GSE1: variants seen among roughly 807,000 people sequenced by gnomAD.
GSE1 encodes the protein Gse1 coiled-coil protein.
GSE1 carries 32 observed loss-of-function variants against 112.6 expected under a neutral mutation model. The observed-to-expected ratio is 0.28, with a 90% CI of 0.21 to 0.38. The LOEUF is 0.38. Among genes scored for constraint, GSE1 ranks in the 10% least tolerant of loss-of-function variants. The pLI is 1.00. For missense variants in GSE1, 2,348 were observed against 1,699.2 expected (o/e 1.38, Z -6.71); for synonymous variants, 1,115 against 735.6 (o/e 1.52, Z -8.35).
chr16:85,280,488 T>C (rs1327695714), intron 1 of GSE1, among the ~76,000 whole-genome samples: 1 of 152,170 alleles, frequency 6.6e-6, no homozygotes, highest in Admixed American at 6.5e-5. Context: ...CTCCACCTCC[T>C]GGGTTTAAGC....
chr16:85,247,298 T>C (rs1239479866), intron 1 of GSE1, among the ~76,000 whole-genome samples: 7 of 152,170 alleles, frequency 4.6e-5, no homozygotes, highest in Non-Finnish European at 1.0e-4. Flanking sequence ...TCCACAATTG[T>C]GTGTTGTTTG....
At chr16:85,563,034 C>G (rs932631424) in intron 1 of GSE1, among the ~76,000 whole-genome samples, 1 of 152,202 alleles carries the variant, frequency 6.6e-6, no homozygotes, top group African/African-American at 2.4e-5. Flanking sequence ...AGATCCTTGT[C>G]CCTGTCTGGG....
intron 2 of GSE1, among the ~76,000 whole-genome samples, chr16:85,389,758 A>G (rs1162270831): frequency 6.6e-6 from 1 of 152,038 alleles, no homozygotes; most frequent in Non-Finnish European, 1.5e-5. Context: ...GGAGCCCTTT[A>G]CCTGAACTAA....
intron 2 of GSE1, among the ~76,000 whole-genome samples, chr16:85,515,232 C>T (rs967893444): frequency 3.3e-5 from 5 of 152,198 alleles, no homozygotes; most frequent in Non-Finnish European, 7.3e-5. Context: ...GCACCCGCCT[C>T]ACCTCTGCCC....
chr16:85,663,103 TCTC>T lies in GSE1; in HGVS notation c.2373+15_2373+17del. 1 of 1,564,774 alleles carries T rather than the reference TCTC, an allele frequency of 6.4e-7. No individual in the cohort carries two copies. The highest frequency in any genetic ancestry group is 1.7e-4 in the Middle Eastern group (1 of 5,982). ...GGACACGTCCTCTGAGGTACTGGGC[TCTC>T]CTCCCCACGGACATGCTCTGGGCTG... On this transcript the variant is annotated intron_variant, in intron 10 of 15. Transcript: ENST00000253458.
chr16:85,267,522 C>T (rs909015661), intron 1 of GSE1, among the ~76,000 whole-genome samples: 5 of 152,126 alleles, frequency 3.3e-5, no homozygotes, highest in African/African-American at 1.2e-4. Flanking sequence ...GGTTAAAGGA[C>T]AGTCACGTCA....
chr16:85,230,978 CGG>C (rs1904278831), intron 1 of GSE1, among the ~76,000 whole-genome samples: 1 of 145,592 alleles, frequency 6.9e-6, no homozygotes. Context: ...GACGGACGGA[CGG>C]ATGGATAGAA....
chr16:85,298,444 T>C (rs1156328164), intron 1 of GSE1, among the ~76,000 whole-genome samples: 1 of 152,186 alleles, frequency 6.6e-6, no homozygotes, highest in African/African-American at 2.4e-5. Flanking sequence ...ATTATTGTTA[T>C]TTTGAGATGG....
chr16:85,281,007 C>T (rs570194337), intron 1 of GSE1, among the ~76,000 whole-genome samples: 22 of 152,176 alleles, frequency 1.4e-4, no homozygotes, highest in Non-Finnish European at 2.2e-4. Context: ...CTGCCTCTGC[C>T]GCCCCATGTC....
intron 2 of GSE1, among the ~76,000 whole-genome samples, chr16:85,420,957 G>C (rs11642660): frequency 0.78 from 118,008 of 152,138 alleles, 46,894 homozygotes; most frequent in Middle Eastern, 0.94. Context: ...CTGCAGTCGG[G>C]CTGCAGCGTC....
At chr16:85,178,873 G>T (rs1470461345) in intron 1 of GSE1, among the ~76,000 whole-genome samples, 1 of 150,802 alleles carries the variant, frequency 6.6e-6, no homozygotes, top group African/African-American at 2.4e-5. Context: ...AGGGAGGTGC[G>T]GGGGGTGGGC....
chr16:85,589,265 G>C (rs566140938), intron 1 of GSE1, among the ~76,000 whole-genome samples: 10 of 152,334 alleles, frequency 6.6e-5, no homozygotes, highest in Admixed American at 6.5e-5. Flanking sequence ...CTGCTGGGGT[G>C]GGGAGGGTTT....
rs2047357968 is a variant in GSE1, at chr16:85,373,983, G to A, written c.2464+16340G>A. ...CCATCGCCCCACGGTGGCTGCATGTGCGTATGTGTGTGGGTGTCCACATGT... is the reference window on the plus strand; with the variant it reads ...CCATCGCCCCACGGTGGCTGCATGTACGTATGTGTGTGGGTGTCCACATGT... On this transcript the variant is annotated intron_variant, in intron 2 of 2. Coordinates refer to the GSE1 transcript ENST00000637419. The surrounding 1 kb of genome is among the most constrained non-coding windows in gnomAD (Gnocchi z 5.1). Among the ~76,000 whole-genome samples, 1 of 152,216 alleles carries A rather than the reference G, an allele frequency of 6.6e-6. No homozygotes were observed. Among genetic ancestry groups the A allele is most frequent in the African/African-American group, 2.4e-5 (1 of 41,462 alleles).
At chr16:85,553,293 GGCCGCCGCC>G (rs532488359), upstream of GSE1, among the ~76,000 whole-genome samples, 1 of 149,706 alleles carries the variant, frequency 6.7e-6, no homozygotes, top group Non-Finnish European at 1.5e-5. Flanking sequence ...CCGCTTGCCA[GGCCGCCGCC>G]GCCGCCGCTG....
chr16:85,328,701 G>C (rs2046276091), intron 1 of GSE1, among the ~76,000 whole-genome samples: 2 of 152,206 alleles, frequency 1.3e-5, no homozygotes, highest in African/African-American at 4.8e-5. Flanking sequence ...GAGAGACAAC[G>C]GGGCTGGGTC....
chr16:85,475,895 A>T (rs1030598340), intron 2 of GSE1, among the ~76,000 whole-genome samples: 1 of 150,742 alleles, frequency 6.6e-6, no homozygotes, highest in East Asian at 2.0e-4. Context: ...AAGCGCTAGC[A>T]TTACAGGTGT....
At chr16:85,500,434 G>A (rs1026285878) in intron 2 of GSE1, among the ~76,000 whole-genome samples, 1 of 152,246 alleles carries the variant, frequency 6.6e-6, no homozygotes, top group East Asian at 1.9e-4. Flanking sequence ...TTCAAAAGCA[G>A]CTCCCCACTG....
intron 2 of GSE1, among the ~76,000 whole-genome samples, chr16:85,438,739 G>A (rs2049308935): frequency 6.6e-6 from 1 of 152,198 alleles, no homozygotes; most frequent in South Asian, 2.1e-4. Context: ...GGGGAACTTT[G>A]TATAAAGTAG....
chr16:85,380,040 A>G (rs1818785308), intron 2 of GSE1, among the ~76,000 whole-genome samples: 2 of 152,234 alleles, frequency 1.3e-5, no homozygotes, highest in South Asian at 2.1e-4. Context: ...TGGCCTTGGG[A>G]AGCCCAAGCA....
Sources: gnomAD v4.1 joint callset for allele counts (sites outside exome capture counted in the v4.1 genomes callset) on GRCh38, gnomAD v4.1.1 for gene constraint, Gnocchi (gnomAD v3.1) non-coding constraint, MANE v1.5 for transcripts, NCBI Gene and HGNC (gene_info 2026-07-23, HGNC 2026-07-21) for gene names.